Variants in RUFY3 observed in about 807,000 individuals in gnomAD.
RUFY3 encodes the protein protein RUFY3.
In RUFY3, 34 loss-of-function variants were observed where a neutral mutation model predicts 84.0. The ratio of observed to expected loss-of-function variants is 0.40; its 90% CI spans 0.31 to 0.54. The LOEUF (loss-of-function observed/expected upper bound fraction) is 0.54, where lower values mean the gene tolerates loss of function less well. RUFY3 is among the 20% of genes least tolerant of loss of function. The pLI, the probability that RUFY3 is intolerant of heterozygous loss-of-function variation, is 0.39. For synonymous variants in RUFY3, 242 were observed against 252.9 expected (o/e 0.96, Z 0.41); for missense variants, 507 against 736.8 (o/e 0.69, Z 3.61).
intron 5 of RUFY3, among the ~76,000 whole-genome samples, chr4:70,770,292 T>C (rs548520229): frequency 6.6e-6 from 1 of 152,344 alleles, no homozygotes; most frequent in Non-Finnish European, 1.5e-5. Context: ...AGGCATTGAC[T>C]TCTCATCTAT....
chr4:70,805,272 T>A (rs956278313), intron 17 of RUFY3, among the ~76,000 whole-genome samples: 2 of 152,200 alleles, frequency 1.3e-5, no homozygotes. Context: ...CCACTTGTTT[T>A]CCACCCGATC....
At chr4:70,802,438 C>T (rs1215183427) in intron 15 of RUFY3, among the ~76,000 whole-genome samples, 3 of 152,172 alleles carry the variant, frequency 2.0e-5, no homozygotes, top group South Asian at 2.1e-4. Context: ...AGCTTAGTCC[C>T]TCATGAAGAA....
intron 1 of RUFY3, among the ~76,000 whole-genome samples, chr4:70,710,418 C>T (rs984565242): frequency 1.3e-5 from 2 of 152,168 alleles, no homozygotes; most frequent in Admixed American, 6.5e-5. Context: ...CGCCTGTAAT[C>T]CCATCACTTT....
rs777834522 is a variant in RUFY3, at chr4:70,722,705, G to A, written c.132G>A (p.Glu44=). 6.2e-7 allele frequency: 1 copy of A among 1,613,974 alleles called. No homozygotes were observed. Among genetic ancestry groups the A allele is most frequent in the Non-Finnish European group, 8.5e-7 (1 of 1,180,012 alleles). Residue 44 remains glutamate (E), a synonymous_variant, in exon 1 of 18, where the codon GAG becomes GAA. Coordinates refer to ENST00000381006, the MANE Select transcript of RUFY3 (RefSeq NM_001037442.4). ...SMDGEWLCLR[E]LDDISLTPDP... ...ATGGAGAATGGCTCTGCCTGCGAGA[G>A]CTGGATGACATCTCACTTACACCTG...
chr4:70,777,653 A>G (rs558676834), intron 7 of RUFY3, among the ~76,000 whole-genome samples: 6 of 152,314 alleles, frequency 3.9e-5, no homozygotes, highest in South Asian at 4.1e-4. Context: ...AAACAATGGC[A>G]CTATTATTTA....
rs558597103 is a variant in RUFY3 at position 70,807,062 on chromosome 4, G to T, written c.*403G>T. The T allele has an allele frequency of 6.5e-6, 1 of 154,278 alleles. No individual in the cohort carries two copies. The highest frequency in any genetic ancestry group is 2.4e-5 in the African/African-American group (1 of 41,622). The allele number at this position is 154,278 out of a possible 1,614,324, so 9.6% of individuals were successfully genotyped here. Reference sequence around the variant, plus strand: ...GCATTTGCAGATTCAAGGGGGAGAGGTAGATGCTGAGATCAAAATGACAGT... The same window carrying T: ...GCATTTGCAGATTCAAGGGGGAGAGTTAGATGCTGAGATCAAAATGACAGT... On this transcript the variant is annotated 3_prime_UTR_variant, in exon 18 of 18. Coordinates refer to ENST00000381006, the MANE Select transcript of RUFY3 (RefSeq NM_001037442.4).
In RUFY3 at chr4:70,794,803, T is replaced by C. The variant is rs750222384; in HGVS notation, c.1466T>C (p.Leu489Pro). 1 of 1,610,846 alleles carries C rather than the reference T, an allele frequency of 6.2e-7. No individual in the cohort carries two copies. The highest frequency in any genetic ancestry group is 8.5e-7 in the Non-Finnish European group (1 of 1,177,544). ...VEELTRQRNQ[L>P]ELELKQEKER... ...TCTCCAACTTACCTCAGGAACCAGC[T>C]TGAGTTAGAACTAAAACAGGAAAAA... is the stretch of plus-strand genomic sequence containing the variant. Residue 489 changes from leucine to proline, a missense_variant, in exon 14 of 18, where the codon CTT (leucine) becomes CCT (proline). Leu to Pro is a moderately conservative substitution (Grantham distance 98). Around this residue, in one of 4 missense-constraint regions of RUFY3, gnomAD observed 334 missense variants for 364.1 expected, o/e 0.92. Coordinates refer to ENST00000381006, the MANE Select transcript of RUFY3 (RefSeq NM_001037442.4).
chr4:70,804,780 A>C (rs2148824271), intron 17 of RUFY3, among the ~76,000 whole-genome samples: 1 of 149,620 alleles, frequency 6.7e-6, no homozygotes, highest in South Asian at 2.1e-4. Context: ...AAAAAAAAAA[A>C]AATAGCCGGG....
At chr4:70,752,466 T>C (rs975724304) in intron 1 of RUFY3, among the ~76,000 whole-genome samples, 2 of 152,250 alleles carry the variant, frequency 1.3e-5, no homozygotes, top group African/African-American at 4.8e-5. Context: ...TGGTTAGAAG[T>C]AGCAAAAGTG....
At chr4:70,715,002 T>C (rs191567439) in intron 1 of RUFY3, among the ~76,000 whole-genome samples, 148 of 152,324 alleles carry the variant, frequency 9.7e-4, no homozygotes, top group Non-Finnish European at 1.8e-3. Context: ...TGTTTGTTTC[T>C]AACAAAGTAA....
In RUFY3 at chr4:70,772,579, A is replaced by G. The variant is rs529796954; in HGVS notation, c.697-932A>G. Among the ~76,000 whole-genome samples, 4 of 152,344 alleles carry G rather than the reference A, an allele frequency of 2.6e-5. No individual in the cohort carries two copies. In the South Asian group the frequency reaches 6.2e-4, roughly 24 times the overall value. On this transcript the variant is annotated intron_variant, in intron 5 of 17. Transcript: ENST00000381006. Reference sequence around the variant, plus strand: ...TCTCACCCTTTCTGTATGAAATACTATGACAAACTTCTGTTATGTTTTATT... The same window carrying G: ...TCTCACCCTTTCTGTATGAAATACTGTGACAAACTTCTGTTATGTTTTATT...
At chr4:70,706,999 G>A (rs754672030) in intron 1 of RUFY3, among the ~76,000 whole-genome samples, 2 of 152,180 alleles carry the variant, frequency 1.3e-5, no homozygotes, top group Non-Finnish European at 2.9e-5. Context: ...AACAGTTATG[G>A]TACAAGGTTT....
chr4:70,764,604 T>C (rs761575328), intron 4 of RUFY3, 28 bp downstream of exon 4: 29 of 1,350,612 alleles, frequency 2.1e-5, no homozygotes, highest in Middle Eastern at 1.9e-4. Flanking sequence ...AACTTTCTTC[T>C]TTCCTTGGTA....
chr4:70,802,997 C>T lies in RUFY3; in HGVS notation c.1650+14C>T. The stretch of plus-strand genomic sequence containing the variant: ...ATGGATGAACAGGTAACAGAGCCTC[C>T]TGTTTCAAAACATCTTGTATGAATT... On this transcript the variant is annotated intron_variant, in intron 16 of 17. Coordinates refer to ENST00000381006, the MANE Select transcript of RUFY3 (RefSeq NM_001037442.4). 1 of 1,602,302 alleles carries T rather than the reference C, an allele frequency of 6.2e-7. No individual in the cohort carries two copies. Among genetic ancestry groups the T allele is most frequent in the Non-Finnish European group, 8.5e-7 (1 of 1,172,428 alleles).
chr4:70,722,632 A>T lies in RUFY3; in HGVS notation c.59A>T (p.Gln20Leu). Reference sequence around the variant, plus strand: ...ACCCCCACCACTGACAAGATCACACAGGCTGCCATGGAGACCATCTACCTT... The same window carrying T: ...ACCCCCACCACTGACAAGATCACACTGGCTGCCATGGAGACCATCTACCTT... ...MPTPTTDKIT[Q>L]AAMETIYLCK... The change falls in exon 1 of 18, where the codon CAG becomes CTG. Residue 20 changes from glutamine to leucine, a missense_variant. Transcript: ENST00000381006. 1.2e-6 allele frequency: 2 copies of T among 1,614,048 alleles called. No homozygotes were observed. Among genetic ancestry groups the T allele is most frequent in the Non-Finnish European group, 1.7e-6 (2 of 1,180,018 alleles).
At chr4:70,705,188 G>C (rs1740129279) in exon 1 of RUFY3, 1 of 1,462,656 alleles carries the variant, frequency 6.8e-7, no homozygotes, top group East Asian at 3.0e-5. Flanking sequence ...CGCCGCCGCA[G>C]CAGCAGCGCT....
upstream of RUFY3, chr4:70,704,785 G>A: frequency 2.1e-6 from 1 of 469,308 alleles, no homozygotes; most frequent in Non-Finnish European, 3.3e-6. Flanking sequence ...GAGCGGCGGA[G>A]CCCAGGCGCC....
upstream of RUFY3, chr4:70,721,782 G>C: frequency 2.5e-6 from 2 of 815,230 alleles, no homozygotes; most frequent in Non-Finnish European, 3.0e-6. Flanking sequence ...GAATTGATGA[G>C]GATATGTGCA....
intron 1 of RUFY3, among the ~76,000 whole-genome samples, chr4:70,755,680 G>A (rs768758561): frequency 2.6e-5 from 4 of 152,180 alleles, no homozygotes; most frequent in Non-Finnish European, 5.9e-5. Context: ...GGTCGGGTAC[G>A]GTGGCTCATG....
Sources: allele counts gnomAD v4.1 joint callset (sites outside exome capture counted in the v4.1 genomes callset), GRCh38; gene constraint gnomAD v4.1.1; regional missense constraint gnomAD v4.1.1; transcripts MANE v1.5; gene names NCBI Gene and HGNC (gene_info 2026-07-23, HGNC 2026-07-21).